PHF19: variants seen among roughly 807,000 people sequenced by gnomAD.
The protein encoded by PHF19 is polycomb like 3.
A neutral mutation model predicts 79.8 loss-of-function variants in PHF19; 21 were observed. The ratio of observed to expected loss-of-function variants is 0.26; its 90% CI spans 0.19 to 0.38. PHF19 has a LOEUF of 0.38. Among genes scored for constraint, PHF19 ranks in the 10% least tolerant of loss-of-function variants. The pLI is 1.00. For synonymous variants in PHF19, 273 were observed against 296.3 expected, an observed-to-expected ratio of 0.92 and a Z score of 0.81; for missense variants, 445 against 744.2, an observed-to-expected ratio of 0.60 and a Z score of 4.68.
Position 120,866,799 on chromosome 9 carries a change from G to T in PHF19, c.710+71C>A. 1.2e-6 allele frequency: 1 copy of T among 815,158 alleles called. No individual in the cohort carries two copies. Among genetic ancestry groups the T allele is most frequent in the Non-Finnish European group, 2.2e-6 (1 of 456,066 alleles). The allele number at this position is 815,158 out of a possible 1,614,324, so 50.5% of individuals were successfully genotyped here. On this transcript the variant is annotated intron_variant, in intron 7 of 14. Transcript: ENST00000373896. The surrounding 1 kb of genome is among the most constrained non-coding windows in gnomAD (Gnocchi z 5.2). ...TCTGGAGCCTGGCAGTCAACCTGCA[G>T]GAGTTGTTGCTGCCATCCCTGCCCT...
chr9:120,884,635 C>T (rs141679906), intron 1 of PHF19, among the ~76,000 whole-genome samples: 66 of 152,088 alleles, frequency 4.3e-4, no homozygotes, highest in African/African-American at 8.7e-4. Flanking sequence ...AGTCTGGGCA[C>T]GGTGGCTCAC....
chr9:120,874,511 A>C lies in PHF19; in HGVS notation c.186+45T>G. 6 of 1,268,102 alleles carry C rather than the reference A, an allele frequency of 4.7e-6. No individual in the cohort carries two copies. The highest frequency in any genetic ancestry group is 6.9e-6 in the Non-Finnish European group (6 of 874,710). 78.6% of individuals were successfully genotyped at this position (1,268,102 alleles called of 1,614,324 possible). On this transcript the variant is annotated intron_variant, in intron 2 of 14. Transcript: ENST00000373896. The surrounding 1 kb of genome is among the most constrained non-coding windows in gnomAD (Gnocchi z 4.5). ...GACAGCCAGGCTGGAACATGAGCAGAGAGATTCTGAGTCTGAGAACAGGGG... is the reference window on the plus strand; with the variant it reads ...GACAGCCAGGCTGGAACATGAGCAGCGAGATTCTGAGTCTGAGAACAGGGG...
At chr9:120,881,315 T>C (rs554396834), upstream of PHF19, among the ~76,000 whole-genome samples, 20 of 151,752 alleles carry the variant, frequency 1.3e-4, no homozygotes, top group Non-Finnish European at 2.4e-4. Flanking sequence ...GCCCCGCTGA[T>C]TTTTTATATT....
chr9:120,866,141 A>AG lies in PHF19; in HGVS notation c.711-46_711-45insC. On this transcript the variant is annotated intron_variant, in intron 7 of 14. Coordinates refer to ENST00000373896, the MANE Select transcript of PHF19 (RefSeq NM_015651.3). The surrounding 1 kb of genome is among the most constrained non-coding windows in gnomAD (Gnocchi z 5.2). ...GGGGCCTATGGTGGGAGGGGCTCTG[A>AG]CACCCCCACCCCAGTCCAGCCCCTT... The AG allele has an allele frequency of 7.4e-7, 1 of 1,344,446 alleles. No homozygotes were observed. Among genetic ancestry groups the AG allele is most frequent in the Non-Finnish European group, 1.1e-6 (1 of 934,458 alleles). 83.3% of individuals were successfully genotyped at this position (1,344,446 alleles called of 1,614,324 possible).
In PHF19 at chr9:120,862,639, T is replaced by C. The variant is rs2045567263; in HGVS notation, c.1079A>G (p.Asn360Ser). The stretch of plus-strand genomic sequence containing the variant: ...CAGCTCAGAGGAGGCGCTGTTCTCA[T>C]TTGGCAGCAGTCCTTTGTCAGGCAG... ...KLLPDKGLLP[N>S]ENSASSELRK... Residue 360 changes from asparagine to serine, a missense_variant, in exon 11 of 15, where the codon AAT becomes AGT. Coordinates refer to ENST00000373896, the MANE Select transcript of PHF19 (RefSeq NM_015651.3). The surrounding 1 kb of genome is among the most constrained non-coding windows in gnomAD (Gnocchi z 4.6). 3 of 1,614,174 alleles carry C rather than the reference T, an allele frequency of 1.9e-6. No homozygotes were observed. Among genetic ancestry groups the C allele is most frequent in the Non-Finnish European group, 2.5e-6 (3 of 1,180,016 alleles).
chr9:120,880,352 G>A (rs10985072), upstream of PHF19, among the ~76,000 whole-genome samples: 25,179 of 152,082 alleles, frequency 0.17, 3,425 homozygotes, highest in African/African-American at 0.37. Context: ...AAAATTAGCC[G>A]GGCATGGTGG....
At chr9:120,884,357 A>G (rs2046233630) in intron 1 of PHF19, among the ~76,000 whole-genome samples, 1 of 152,208 alleles carries the variant, frequency 6.6e-6, no homozygotes, top group African/African-American at 2.4e-5. Flanking sequence ...CCATGAGTCG[A>G]TCCGCGTGAG....
chr9:120,876,981 C>T, intron 1 of PHF19, 110 bp downstream of exon 1: 1 of 958,374 alleles, frequency 1.0e-6, no homozygotes, highest in Non-Finnish European at 1.2e-6. Context: ...GGAGTCTCAC[C>T]CCCCGGAGGC....
rs200988559 is a variant in PHF19 at position 120,869,725 on chromosome 9, T to C, written c.465+120A>G. The C allele has an allele frequency of 7.7e-6, 12 of 1,565,734 alleles. No homozygotes were observed. In the East Asian group the frequency reaches 2.1e-4, roughly 28 times the overall value. ...CAAGGACAGTGGCAGAGGCGCTATC[T>C]GTCTCCAAAGCCCAGGTGTGGCCCT... On this transcript the variant is annotated intron_variant, in intron 5 of 14. Transcript: ENST00000373896. The surrounding 1 kb of genome is among the most constrained non-coding windows in gnomAD (Gnocchi z 5.8).
rs2045548271 is a variant in PHF19 at position 120,862,150 on chromosome 9, G to A, written c.1131-145C>T. On this transcript the variant is annotated intron_variant, in intron 11 of 14. Transcript: ENST00000373896. The surrounding 1 kb of genome is among the most constrained non-coding windows in gnomAD (Gnocchi z 4.6). ...AGCTGCACCTTCACAGGGAGGCCTG[G>A]GGAGGAGGGAGAGTCCTCAGGAGCA... 1 of 705,252 alleles carries A rather than the reference G, an allele frequency of 1.4e-6. No homozygotes were observed. 43.7% of individuals were successfully genotyped at this position (705,252 alleles called of 1,614,324 possible).
At chr9:120,881,452 G>A (rs1040628422), upstream of PHF19, among the ~76,000 whole-genome samples, 6 of 151,968 alleles carry the variant, frequency 3.9e-5, no homozygotes, top group African/African-American at 1.5e-4. Context: ...TGGCCCACAG[G>A]GGGTTTAATT....
chr9:120,877,885 G>A (rs1172170915), upstream of PHF19, among the ~76,000 whole-genome samples: 3 of 152,152 alleles, frequency 2.0e-5, no homozygotes, highest in Admixed American at 6.5e-5. Flanking sequence ...TACACAAGGG[G>A]GAACACACTG....
chr9:120,871,656 T>G (rs1403718746), intron 3 of PHF19, among the ~76,000 whole-genome samples: 1 of 152,170 alleles, frequency 6.6e-6, no homozygotes, highest in African/African-American at 2.4e-5. Context: ...TGTTTTTATG[T>G]GTGAAAGGTT....
Position 120,869,260 on chromosome 9 carries a change from T to C in PHF19, c.536A>G (p.Gln179Arg), listed in dbSNP as rs750759756. The change falls in exon 6 of 15, where the codon CAG becomes CGG. Residue 179 changes from glutamine to arginine, a missense_variant. Coordinates refer to ENST00000373896, the MANE Select transcript of PHF19 (RefSeq NM_015651.3). This position sits in a 1 kb window ranked among gnomAD's most constrained non-coding sequence, Gnocchi z 5.8. ...CGAGTCCCACTCGAGCTCCTCGGGCTGGTAGGACAGCACCATCTTCACGGC... is the reference window on the plus strand; with the variant it reads ...CGAGTCCCACTCGAGCTCCTCGGGCCGGTAGGACAGCACCATCTTCACGGC... ...LQAVKMVLSY[Q>R]PEELEWDSPH... 1.2e-6 allele frequency: 2 copies of C among 1,612,970 alleles called. No individual in the cohort carries two copies. Among genetic ancestry groups the C allele is most frequent in the Non-Finnish European group, 1.7e-6 (2 of 1,179,750 alleles).
chr9:120,884,905 ACT>A (rs1467120530), intron 1 of PHF19, among the ~76,000 whole-genome samples: 2 of 151,832 alleles, frequency 1.3e-5, no homozygotes, highest in African/African-American at 2.4e-5. Context: ...TAGGAGCGAG[ACT>A]CTGTCTAAAA....
chr9:120,877,016 G>A (rs1033632329), intron 1 of PHF19, 75 bp downstream of exon 1: 1 of 985,464 alleles, frequency 1.0e-6, no homozygotes, highest in Non-Finnish European at 1.2e-6. Context: ...AGTTCAGGGA[G>A]ATTTCGAAAA....
At chr9:120,859,911 C>G (rs1450490742) in intron 14 of PHF19, among the ~76,000 whole-genome samples, 179 bp downstream of exon 14, 1 of 152,208 alleles carries the variant, frequency 6.6e-6, no homozygotes, top group Non-Finnish European at 1.5e-5. Flanking sequence ...CATCTAAAGC[C>G]CCGTGACTCA....
At position 120,869,990 on chromosome 9, in the gene PHF19, G is replaced by A. The variant is rs577808040; in HGVS notation, c.365-45C>T. 15 of 1,541,774 alleles carry A rather than the reference G, an allele frequency of 9.7e-6. No individual in the cohort carries two copies. Among genetic ancestry groups the A allele is most frequent in the Admixed American group, 2.0e-5 (1 of 50,920 alleles). ...GGTGAGCGCCCACAAGGACATCGTG[G>A]CCCAAGGCCAGTTGGCCCAAAGGAG... is the stretch of plus-strand genomic sequence containing the variant. On this transcript the variant is annotated intron_variant, in intron 4 of 14. Coordinates refer to ENST00000373896, the MANE Select transcript of PHF19 (RefSeq NM_015651.3). This position sits in a 1 kb window ranked among gnomAD's most constrained non-coding sequence, Gnocchi z 5.8.
rs1364749437 is a variant in PHF19, at chr9:120,877,164, T to C, written c.-89A>G. The stretch of plus-strand genomic sequence containing the variant: ...GCATCGGTGGCGGAGGCGGCTGCGC[T>C]CGGCCCGCGGCTGCCCGGCCGAGTG... On this transcript the variant is annotated 5_prime_UTR_variant, in exon 1 of 15. Transcript: ENST00000373896. 1 of 979,896 alleles carries C rather than the reference T, an allele frequency of 1.0e-6. No individual in the cohort carries two copies. The highest frequency in any genetic ancestry group is 1.8e-5 in the African/African-American group (1 of 55,944). The allele number at this position is 979,896 out of a possible 1,614,324, so 60.7% of individuals were successfully genotyped here. A position where few individuals can be genotyped will look rare whatever the true frequency, so the allele number is the denominator to read the frequency against.
Sources: allele counts gnomAD v4.1 joint callset (sites outside exome capture counted in the v4.1 genomes callset), GRCh38; gene constraint gnomAD v4.1.1; non-coding constraint Gnocchi (gnomAD v3.1); transcripts MANE v1.5; gene names NCBI Gene and HGNC (gene_info 2026-07-23, HGNC 2026-07-21).